Variants in SI observed in about 807,000 individuals in gnomAD.
SI encodes the protein sucrase-isomaltase, intestinal.
SI carries 235 observed loss-of-function variants against 253.3 expected under a neutral mutation model. The observed-to-expected ratio is 0.93, with a 90% confidence interval of 0.83 to 1.03. SI has a LOEUF of 1.03. SI is among the 50% of genes least tolerant of loss of function. The probability of loss-of-function intolerance (pLI) is 0.00; values close to 1 mark genes in which losing one functional copy is unlikely to be tolerated. For missense variants in SI, 2,442 were observed against 2,211.1 expected (o/e 1.10, Z -2.09); for synonymous variants, 819 against 712.0 (o/e 1.15, Z -2.39).
At chr3:164,994,904 T>C (rs1017997606) in intron 40 of SI, among the ~76,000 whole-genome samples, 1 of 151,592 alleles carries the variant, frequency 6.6e-6, no homozygotes, top group East Asian at 1.9e-4. Context: ...TAAAGATGAA[T>C]GAAAGGAAAT....
Position 164,991,482 on chromosome 3 carries a change from A to T in SI, c.4984-5T>A. On this transcript the variant is annotated splice_region_variant and splice_polypyrimidine_tract_variant and intron_variant, in intron 43 of 47. Transcript: ENST00000264382. The stretch of plus-strand genomic sequence containing the variant: ...TCTGACGCCAATATCTTTGCCCTGG[A>T]AATGAAAGGGATGGAAAGAACAGGT... The T allele has an allele frequency of 6.2e-7, 1 of 1,613,516 alleles. No homozygotes were observed. Among genetic ancestry groups the T allele is most frequent in the South Asian group, 1.1e-5 (1 of 91,086 alleles).
intron 40 of SI, among the ~76,000 whole-genome samples, chr3:164,996,298 G>T (rs2108134702): frequency 6.6e-6 from 1 of 151,754 alleles, no homozygotes; most frequent in Non-Finnish European, 1.5e-5. Flanking sequence ...CTGAAAGTCA[G>T]CATCATGAAA....
chr3:165,068,734 A>T lies in SI; in HGVS notation c.471T>A (p.Arg157=). 1 of 1,612,764 alleles carries T rather than the reference A, an allele frequency of 6.2e-7. No homozygotes were observed. The highest frequency in any genetic ancestry group is 1.1e-5 in the South Asian group (1 of 91,060). The part of the protein sequence containing the change: ...LFTTQNQTPN[R]FRFKITDPNN... Reference sequence around the variant, plus strand: ...TTAAAAACCGAACCTTGAACCGGAAACGATTGGGTGTCTGATTTTGAGTTG... The same window carrying T: ...TTAAAAACCGAACCTTGAACCGGAATCGATTGGGTGTCTGATTTTGAGTTG... The change falls in exon 5 of 48, where the codon CGT becomes CGA. Residue 157 remains arginine (R), a synonymous_variant. Transcript: ENST00000264382.
chr3:165,037,083 TATAACA>T (rs1429518854), intron 21 of SI, among the ~76,000 whole-genome samples: 2 of 151,884 alleles, frequency 1.3e-5, no homozygotes, highest in Non-Finnish European at 2.9e-5. Context: ...AGCTCTGGTG[TATAACA>T]ATTTTTTGAG....
intron 18 of SI, 88 bp downstream of exon 18, chr3:165,040,852 T>C (rs1712782934): frequency 2.0e-6 from 2 of 1,023,042 alleles, no homozygotes; most frequent in Admixed American, 3.6e-5. Flanking sequence ...GTTTAATTGA[T>C]ATCTTGATTT....
rs771226764 is a variant in SI at position 165,063,591 on chromosome 3, A to G, written c.808-50T>C. 5.0e-6 allele frequency: 4 copies of G among 807,484 alleles called. No homozygotes were observed. In the South Asian group the frequency reaches 6.0e-5, roughly 12 times the overall value. 50.0% of individuals were successfully genotyped at this position (807,484 alleles called of 1,614,324 possible). ...CGATTTTCAAATATGTTTAAAACAC[A>G]AAAAGATTATATATTTTATATGCTC... On this transcript the variant is annotated intron_variant, in intron 7 of 47. Coordinates refer to ENST00000264382, the MANE Select transcript of SI (RefSeq NM_001041.4).
chr3:165,065,349 C>G lies in SI; in HGVS notation c.719G>C (p.Gly240Ala). 1 of 1,596,148 alleles carries G rather than the reference C, an allele frequency of 6.3e-7. No individual in the cohort carries two copies. Among genetic ancestry groups the G allele is most frequent in the South Asian group, 1.1e-5 (1 of 90,692 alleles). The change falls in exon 7 of 48, where the codon GGT becomes GCT. Residue 240 changes from glycine (G) to alanine (A), a missense_variant. By Grantham distance (60) the Gly-to-Ala change is moderately conservative (BLOSUM62 0). Transcript: ENST00000264382. ...TCTCTTATGAACTTGTTCTCCAATA[C>G]CATAAATATAATCACTTGGAAGACG... ...STRLPSDYIY[G>A]IGEQVHKRFR...
At chr3:164,991,702 A>G (rs1213770057) in intron 43 of SI, among the ~76,000 whole-genome samples, 2 of 152,162 alleles carry the variant, frequency 1.3e-5, no homozygotes, top group African/African-American at 4.8e-5. Context: ...GGTGAAATTT[A>G]CTTTTTAAAA....
intron 47 of SI, among the ~76,000 whole-genome samples, chr3:164,980,479 A>G (rs180716667): frequency 1.2e-3 from 190 of 152,104 alleles, no homozygotes; most frequent in African/African-American, 4.1e-3. Context: ...ATTAAAGGAC[A>G]AGCAGGGTGG....
At chr3:165,048,111 G>A (rs1211910216) in intron 15 of SI, among the ~76,000 whole-genome samples, 1 of 151,944 alleles carries the variant, frequency 6.6e-6, no homozygotes, top group African/African-American at 2.4e-5. Context: ...GAATACAGTG[G>A]TTAAGAGTTC....
chr3:165,014,496 G>A (rs181254942), intron 33 of SI, among the ~76,000 whole-genome samples: 15 of 151,982 alleles, frequency 9.9e-5, no homozygotes, highest in African/African-American at 9.7e-5. Flanking sequence ...TGATCCGCCC[G>A]CCTTGGCCTC....
intron 37 of SI, among the ~76,000 whole-genome samples, chr3:165,001,980 C>G (rs1284626745): frequency 6.6e-6 from 1 of 151,434 alleles, no homozygotes; most frequent in Non-Finnish European, 1.5e-5. Flanking sequence ...TTTTTCCATT[C>G]CATTTTATGA....
intron 5 of SI, among the ~76,000 whole-genome samples, chr3:165,067,904 T>A (rs2108098350): frequency 6.6e-6 from 1 of 151,802 alleles, no homozygotes; most frequent in South Asian, 2.1e-4. Context: ...TTTAAAAAAA[T>A]TATAGAAACT....
Position 165,075,892 on chromosome 3 carries a change from T to C in SI, c.118+3A>G. 6.7e-7 allele frequency: 1 copy of C among 1,491,426 alleles called. No homozygotes were observed. The highest frequency in any genetic ancestry group is 9.4e-7 in the Non-Finnish European group (1 of 1,069,248). 92.4% of individuals were successfully genotyped at this position (1,491,426 alleles called of 1,614,324 possible). On this transcript the variant is annotated splice_donor_region_variant and intron_variant, in intron 2 of 47. Transcript: ENST00000264382. Reference sequence around the variant, plus strand: ...GTAGCCATGCTTTTAATGTACTACTTACCATCAACAGCAGGTGTCTTAGTT... The same window carrying C: ...GTAGCCATGCTTTTAATGTACTACTCACCATCAACAGCAGGTGTCTTAGTT...
chr3:165,068,475 G>A (rs1056043707), intron 5 of SI, among the ~76,000 whole-genome samples: 1 of 152,102 alleles, frequency 6.6e-6, no homozygotes, highest in Non-Finnish European at 1.5e-5. Context: ...CCGGGTTCTC[G>A]CCATTCTCCT....
intron 7 of SI, among the ~76,000 whole-genome samples, chr3:165,064,908 T>G (rs1351056427): frequency 6.6e-6 from 1 of 152,100 alleles, no homozygotes; most frequent in Non-Finnish European, 1.5e-5. Flanking sequence ...CATTGTATTA[T>G]ATGAAGACAT....
At position 165,055,217 on chromosome 3, in the gene SI, C is replaced by A; in HGVS notation, c.1489G>T (p.Val497Leu). 6.2e-7 allele frequency: 1 copy of A among 1,609,836 alleles called. No individual in the cohort carries two copies. The highest frequency in any genetic ancestry group is 8.5e-7 in the Non-Finnish European group (1 of 1,176,694). The change falls in exon 13 of 48, where the codon GTG becomes TTG. Residue 497 changes from valine to leucine, a missense_variant. Physicochemically the swap from Val to Leu is conservative, Grantham distance 32. Transcript: ENST00000264382. Reference protein sequence around the residue: ...ANECSIFHQEVQYDGLWIDMN... With the variant: ...ANECSIFHQELQYDGLWIDMN... ...ACAATCCAAAGTCCATCATATTGCA[C>A]TTCTTGATGGAAAATACTGCATTCA...
chr3:165,052,980 T>G (rs1403432190), intron 13 of SI, among the ~76,000 whole-genome samples: 1 of 151,944 alleles, frequency 6.6e-6, no homozygotes, highest in Non-Finnish European at 1.5e-5. Flanking sequence ...TAATTTTGCT[T>G]ATTAGATTTT....
intron 22 of SI, 64 bp from the exon 23 acceptor site, chr3:165,033,508 A>C: frequency 1.5e-6 from 2 of 1,352,644 alleles, no homozygotes; most frequent in South Asian, 2.0e-5. Context: ...CTGGTTTTAC[A>C]CTTATACAAC....
Sources: gnomAD v4.1 joint callset for allele counts (sites outside exome capture counted in the v4.1 genomes callset) on GRCh38, gnomAD v4.1.1 for gene constraint, MANE v1.5 for transcripts, NCBI Gene and HGNC (gene_info 2026-07-23, HGNC 2026-07-21) for gene names.